Variants in PARD3B observed in about 807,000 individuals in gnomAD.
The protein encoded by PARD3B is par-3 family cell polarity regulator beta, also known as partitioning defective 3 homolog B.
A neutral mutation model predicts 130.2 loss-of-function variants in PARD3B; 103 were observed. That is an observed-to-expected ratio of 0.79 (90% CI 0.67 to 0.93). PARD3B has a LOEUF of 0.93. PARD3B is among the 40% of genes least tolerant of loss of function. PARD3B has a pLI of 0.00. For missense variants in PARD3B, 1,609 were observed against 1,499.2 expected (o/e 1.07, Z -1.21); for synonymous variants, 583 against 553.2 (o/e 1.05, Z -0.76).
At position 204,616,472 on chromosome 2, in the gene PARD3B, A is replaced by G. The variant is rs182167479; in HGVS notation, c.121-69709A>G. 5.8e-4 allele frequency among the ~76,000 whole-genome samples: 89 copies of G among 152,212 alleles called. 1 individual carries two copies. The highest frequency in any genetic ancestry group is 2.1e-3 in the African/African-American group (86 of 41,564). ...AGACCCAGGACACTGACAACACCAA[A>G]TGCTATTGAGAACGTGGAGCAACAG... On this transcript the variant is annotated intron_variant, in intron 1 of 22. Coordinates refer to ENST00000406610, the MANE Select transcript of PARD3B (RefSeq NM_001302769.2).
At chr2:204,934,519 C>G (rs1189119114) in intron 2 of PARD3B, among the ~76,000 whole-genome samples, 1 of 152,164 alleles carries the variant, frequency 6.6e-6, no homozygotes, top group Non-Finnish European at 1.5e-5. Flanking sequence ...CAATTACACT[C>G]AGTGACGTGT....
chr2:204,781,614 T>C (rs1477501684), intron 2 of PARD3B, among the ~76,000 whole-genome samples: 1 of 152,122 alleles, frequency 6.6e-6, no homozygotes, highest in Admixed American at 6.6e-5. Context: ...TTGCTTTCCA[T>C]TGTTGAGCTT....
intron 1 of PARD3B, among the ~76,000 whole-genome samples, chr2:204,667,754 G>A (rs181279362): frequency 6.6e-5 from 10 of 152,228 alleles, no homozygotes; most frequent in South Asian, 4.1e-4. Flanking sequence ...AAAAGGCAGC[G>A]CTTTCATAGA....
chr2:205,333,904 A>G (rs1368323005), intron 18 of PARD3B, among the ~76,000 whole-genome samples: 2 of 152,070 alleles, frequency 1.3e-5, no homozygotes, highest in African/African-American at 4.8e-5. Context: ...CCTTTTCTGT[A>G]GGTTGCAGAA....
intron 2 of PARD3B, among the ~76,000 whole-genome samples, chr2:204,953,808 T>A (rs1217914579): frequency 6.6e-6 from 1 of 152,230 alleles, no homozygotes; most frequent in African/African-American, 2.4e-5. Flanking sequence ...TCAACGTATT[T>A]CACTTTTTGA....
chr2:204,579,035 C>T (rs562809961), intron 1 of PARD3B, among the ~76,000 whole-genome samples: 3 of 151,902 alleles, frequency 2.0e-5, no homozygotes, highest in African/African-American at 7.2e-5. Flanking sequence ...TTAGGAGAAA[C>T]TTGAGTTGTC....
rs778944288 is a variant in PARD3B at position 205,300,532 on chromosome 2, T to C, written c.2188T>C (p.Ser730Pro). Reference sequence around the variant, plus strand: ...ACCTTTTGCCCTTTCTTTTCCAGAATCTCCAAGCAAAGATTTTGGTCCAAC... The same window carrying C: ...ACCTTTTGCCCTTTCTTTTCCAGAACCTCCAAGCAAAGATTTTGGTCCAAC... ...VHSLAGQKSE[S>P]PSKDFGPTLG... The change falls in exon 17 of 23, where the codon TCT becomes CCT. Residue 730 changes from serine (S) to proline (P), a missense_variant and splice_region_variant. Ser to Pro is a moderately conservative substitution (Grantham distance 74). Transcript: ENST00000406610. This position sits in a 1 kb window ranked among gnomAD's most constrained non-coding sequence, Gnocchi z 4.1. The C allele has an allele frequency of 6.2e-7, 1 of 1,612,776 alleles. No individual in the cohort carries two copies. The highest frequency in any genetic ancestry group is 2.2e-5 in the East Asian group (1 of 44,866).
rs564241647 is a variant in PARD3B at position 204,925,063 on chromosome 2, CTATG to C, written c.223-40085_223-40082del. Among the ~76,000 whole-genome samples, 72 of 151,938 alleles carry C rather than the reference CTATG, an allele frequency of 4.7e-4. 1 individual carries two copies. Among genetic ancestry groups the C allele is most frequent in the Non-Finnish European group, 9.7e-4 (66 of 67,956 alleles). On this transcript the variant is annotated intron_variant, in intron 2 of 22. Transcript: ENST00000406610. ...TAAATATATGTGTATATACAGGTAT[CTATG>C]TATATAAGATATATATGTGTATCTC...
At chr2:205,408,833 G>A (rs771304881) in intron 19 of PARD3B, among the ~76,000 whole-genome samples, 2 of 151,994 alleles carry the variant, frequency 1.3e-5, no homozygotes, top group African/African-American at 4.8e-5. Flanking sequence ...GAATTTTCTA[G>A]GTCCTGTGGT....
intron 15 of PARD3B, among the ~76,000 whole-genome samples, chr2:205,206,120 T>A (rs1373943323): frequency 6.6e-6 from 1 of 152,138 alleles, no homozygotes; most frequent in Non-Finnish European, 1.5e-5. Flanking sequence ...TGCCTCAATT[T>A]CATAAAGACA....
chr2:205,177,456 G>A (rs2035538300), intron 13 of PARD3B, among the ~76,000 whole-genome samples: 1 of 152,088 alleles, frequency 6.6e-6, no homozygotes, highest in South Asian at 2.1e-4. Context: ...CACATTATAT[G>A]CCTCTTAGTC....
chr2:204,795,435 T>C (rs1318703463), intron 2 of PARD3B, among the ~76,000 whole-genome samples: 3 of 152,254 alleles, frequency 2.0e-5, no homozygotes, highest in Non-Finnish European at 2.9e-5. Context: ...CGTTTGAGGA[T>C]TTGGGGCTTA....
intron 2 of PARD3B, among the ~76,000 whole-genome samples, chr2:204,802,622 A>G (rs1050966316): frequency 6.6e-6 from 1 of 152,242 alleles, no homozygotes; most frequent in African/African-American, 2.4e-5. Flanking sequence ...CTGGATAAAG[A>G]AAATGTGGCA....
chr2:205,507,728 C>A lies in PARD3B; in HGVS notation c.3180+7697C>A, dbSNP rs186778843. Among the ~76,000 whole-genome samples the A allele has an allele frequency of 4.6e-5, 7 of 152,290 alleles. No homozygotes were observed. In the East Asian group the frequency reaches 1.4e-3, roughly 29 times the overall value. On this transcript the variant is annotated intron_variant, in intron 21 of 22. Transcript: ENST00000406610. Reference sequence around the variant, plus strand: ...GAGTTCTAATAATGATATAAACTTTCTTCATCTTCTTAGATTTCCAGGGAA... The same window carrying A: ...GAGTTCTAATAATGATATAAACTTTATTCATCTTCTTAGATTTCCAGGGAA...
chr2:205,412,113 A>G (rs2046619612), intron 19 of PARD3B, among the ~76,000 whole-genome samples: 1 of 152,004 alleles, frequency 6.6e-6, no homozygotes, highest in Admixed American at 6.6e-5. Context: ...TTCCCATTCC[A>G]CTCTTTCCCA....
intron 2 of PARD3B, among the ~76,000 whole-genome samples, chr2:204,818,319 G>A (rs1238777958): frequency 6.6e-6 from 1 of 152,182 alleles, no homozygotes; most frequent in African/African-American, 2.4e-5. Context: ...ATCAGGTTAT[G>A]AGAACAAATG....
chr2:205,612,446 T>G (rs1321878931), intron 22 of PARD3B, among the ~76,000 whole-genome samples: 5 of 152,098 alleles, frequency 3.3e-5, no homozygotes, highest in African/African-American at 7.2e-5. Context: ...CCGGCCAAAA[T>G]TAGTTTTTTT....
chr2:205,553,776 G>C (rs971019620), intron 22 of PARD3B, among the ~76,000 whole-genome samples: 1 of 152,128 alleles, frequency 6.6e-6, no homozygotes, highest in Non-Finnish European at 1.5e-5. Flanking sequence ...CCAGTCTTAA[G>C]CTTGGAGTTT....
intron 10 of PARD3B, among the ~76,000 whole-genome samples, chr2:205,141,648 A>C (rs2032963593): frequency 6.6e-6 from 1 of 152,240 alleles, no homozygotes; most frequent in Admixed American, 6.5e-5. Flanking sequence ...TGTGTATCAA[A>C]GTGCAAACAG....
Sources: gnomAD v4.1 joint callset for allele counts (sites outside exome capture counted in the v4.1 genomes callset) on GRCh38, gnomAD v4.1.1 for gene constraint, Gnocchi (gnomAD v3.1) non-coding constraint, MANE v1.5 for transcripts, NCBI Gene and HGNC (gene_info 2026-07-23, HGNC 2026-07-21) for gene names.